The following OGDH variants were observed in gnomAD, a reference collection of about 807,000 sequenced individuals.
OGDH encodes the protein oxoglutarate dehydrogenase.
OGDH carries 38 observed loss-of-function variants against 116.6 expected under a neutral mutation model. The observed-to-expected ratio is 0.33, with a 90% confidence interval of 0.25 to 0.43. The LOEUF (loss-of-function observed/expected upper bound fraction) is 0.43, where lower values mean the gene tolerates loss of function less well. Among genes scored for constraint, OGDH ranks in the 20% least tolerant of loss-of-function variants. The probability of loss-of-function intolerance (pLI) is 1.00; values close to 1 mark genes in which losing one functional copy is unlikely to be tolerated. For missense variants in OGDH, 825 were observed against 1,357.2 expected, an observed-to-expected ratio of 0.61 and a Z score of 6.16; for synonymous variants, 488 against 533.3, an observed-to-expected ratio of 0.92 and a Z score of 1.17.
At chr7:44,651,380 G>A (rs1458647217) in intron 4 of OGDH, among the ~76,000 whole-genome samples, 1 of 152,148 alleles carries the variant, frequency 6.6e-6, no homozygotes, top group Non-Finnish European at 1.5e-5. Context: ...TTAACAAGTA[G>A]ACTCTTACCA....
chr7:44,626,393 CTG>C (rs1215612713), intron 2 of OGDH, among the ~76,000 whole-genome samples: 1 of 151,752 alleles, frequency 6.6e-6, no homozygotes, highest in African/African-American at 2.4e-5. Context: ...TAGAATAAAA[CTG>C]AGCCCTGAGG....
chr7:44,653,916 A>G (rs1468054569), intron 4 of OGDH, among the ~76,000 whole-genome samples: 1 of 151,956 alleles, frequency 6.6e-6, no homozygotes, highest in Non-Finnish European at 1.5e-5. Context: ...GTGCAGTGGC[A>G]GGATCTCAGC....
intron 12 of OGDH, among the ~76,000 whole-genome samples, chr7:44,695,343 G>C (rs1183249522): frequency 6.6e-6 from 1 of 152,104 alleles, no homozygotes; most frequent in Non-Finnish European, 1.5e-5. Context: ...TGATCTGCCT[G>C]TCTTGGCCTC....
chr7:44,626,877 G>A (rs546132246), intron 2 of OGDH, among the ~76,000 whole-genome samples: 59 of 152,316 alleles, frequency 3.9e-4, no homozygotes, highest in African/African-American at 1.1e-3. Context: ...CAGCAATCCC[G>A]GTTGTCATCC....
chr7:44,650,650 G>C (rs1458670741), intron 4 of OGDH, among the ~76,000 whole-genome samples: 1 of 152,176 alleles, frequency 6.6e-6, no homozygotes, highest in Non-Finnish European at 1.5e-5. Flanking sequence ...TAGTGGTGAA[G>C]ACTGCCCTGT....
chr7:44,691,812 TA>T (rs1161422767), intron 10 of OGDH, among the ~76,000 whole-genome samples: 248 of 135,284 alleles, frequency 1.8e-3, no homozygotes, highest in Non-Finnish European at 1.5e-3. Flanking sequence ...CCATCTCTAC[TA>T]AAAAAAAAAA....
At chr7:44,626,292 C>T (rs1785198895) in intron 2 of OGDH, among the ~76,000 whole-genome samples, 1 of 148,336 alleles carries the variant, frequency 6.7e-6, no homozygotes, top group African/African-American at 2.6e-5. Context: ...GCAGATTTCA[C>T]ACACACACAC....
At chr7:44,682,053 T>C (rs1218026330) in intron 10 of OGDH, among the ~76,000 whole-genome samples, 1 of 152,000 alleles carries the variant, frequency 6.6e-6, no homozygotes, top group Non-Finnish European at 1.5e-5. Context: ...TTGAGACCAG[T>C]CTGGGCAATA....
intron 1 of OGDH, among the ~76,000 whole-genome samples, chr7:44,607,054 T>G (rs548091253): frequency 1.2e-3 from 188 of 152,274 alleles, no homozygotes; most frequent in African/African-American, 4.4e-3. Context: ...GTTAGGCCGC[T>G]CTCCGACGGC....
intron 1 of OGDH, among the ~76,000 whole-genome samples, chr7:44,607,747 C>T (rs1784409094): frequency 6.6e-6 from 1 of 152,192 alleles, no homozygotes; most frequent in African/African-American, 2.4e-5. Context: ...GTCGCCCAGG[C>T]TGGAGTGCTG....
At chr7:44,646,058 T>C (rs1786164392) in intron 3 of OGDH, among the ~76,000 whole-genome samples, 1 of 152,160 alleles carries the variant, frequency 6.6e-6, no homozygotes, top group Non-Finnish European at 1.5e-5. Context: ...GTGGCCAGTC[T>C]CGTTAGGCAA....
chr7:44,639,866 C>G (rs544164690), intron 2 of OGDH, among the ~76,000 whole-genome samples: 2 of 152,164 alleles, frequency 1.3e-5, no homozygotes, highest in East Asian at 3.9e-4. Flanking sequence ...TTTTCCTTCC[C>G]GGGGATTCCC....
At chr7:44,688,278 G>A (rs1027245141) in intron 10 of OGDH, among the ~76,000 whole-genome samples, 2 of 151,844 alleles carry the variant, frequency 1.3e-5, no homozygotes, top group African/African-American at 4.8e-5. Context: ...AGCTGCAGCA[G>A]GAGAATCGCT....
At chr7:44,639,087 G>C (rs1785804282) in intron 2 of OGDH, among the ~76,000 whole-genome samples, 1 of 152,212 alleles carries the variant, frequency 6.6e-6, no homozygotes, top group African/African-American at 2.4e-5. Flanking sequence ...AGGCCTGCGG[G>C]AAGGAAGGAG....
At chr7:44,626,359 A>C (rs867247822) in intron 2 of OGDH, among the ~76,000 whole-genome samples, 30 of 136,170 alleles carry the variant, frequency 2.2e-4, no homozygotes, top group Middle Eastern at 7.6e-3. Flanking sequence ...ACACACACAC[A>C]CCCCTACACC....
At chr7:44,687,582 A>C (rs148778197) in intron 10 of OGDH, among the ~76,000 whole-genome samples, 86 of 151,188 alleles carry the variant, frequency 5.7e-4, no homozygotes, top group African/African-American at 2.0e-3. Flanking sequence ...CACCTGGCTA[A>C]TTTTTATGGT....
chr7:44,667,002 C>T, intron 5 of OGDH, 151 bp downstream of exon 5: 1 of 570,994 alleles, frequency 1.8e-6, no homozygotes, highest in Non-Finnish European at 3.0e-6. Flanking sequence ...GGCTAGAATG[C>T]AGTGACACAG....
At chr7:44,676,282 GCA>G (rs2116177153) in intron 9 of OGDH, 133 bp downstream of exon 9, 1 of 1,538,502 alleles carries the variant, frequency 6.5e-7, no homozygotes, top group African/African-American at 1.4e-5. Flanking sequence ...TCGGCCGGGC[GCA>G]GTGTCTCACG....
intron 20 of OGDH, among the ~76,000 whole-genome samples, chr7:44,705,046 A>ATTTTTTTTTTTTTTTTT (rs1585406047): frequency 2.3e-5 from 2 of 87,682 alleles, no homozygotes; most frequent in African/African-American, 1.2e-4. Flanking sequence ...AAAGTTTTTA[A>ATTTTTTTTTTTTTTTTT]TTTTCTTTTT....
Sources: allele counts gnomAD v4.1 joint callset (sites outside exome capture counted in the v4.1 genomes callset), GRCh38; gene constraint gnomAD v4.1.1; transcripts MANE v1.5; gene names NCBI Gene and HGNC (gene_info 2026-07-23, HGNC 2026-07-21).